Variants in GRIK4 observed in about 807,000 individuals in gnomAD.
GRIK4 encodes glutamate ionotropic receptor kainate type subunit 4, also known as glutamate receptor ionotropic, kainate 4.
In GRIK4, 40 loss-of-function variants were observed where a neutral mutation model predicts 104.9. The observed-to-expected ratio is 0.38, with a 90% CI of 0.30 to 0.50. The LOEUF is 0.50. Ranked by LOEUF, GRIK4 falls within the 20% of genes least tolerant of loss-of-function variation. GRIK4 has a pLI of 0.93. For synonymous variants in GRIK4, 485 were observed against 524.9 expected, an observed-to-expected ratio of 0.92 and a Z score of 1.04; for missense variants, 1,047 against 1,308.1, an observed-to-expected ratio of 0.80 and a Z score of 3.08.
At chr11:120,699,126 G>C (rs182637033) in intron 3 of GRIK4, among the ~76,000 whole-genome samples, 2 of 152,256 alleles carry the variant, frequency 1.3e-5, no homozygotes, top group Non-Finnish European at 2.9e-5. Context: ...AGGGCCAGCT[G>C]CTTCAGTTCA....
At chr11:120,568,400 T>C (rs559845130) in intron 1 of GRIK4, among the ~76,000 whole-genome samples, 1,935 of 152,148 alleles carry the variant, frequency 0.013, 34 homozygotes, top group African/African-American at 0.044. Flanking sequence ...TTTTCTTTTT[T>C]TTTTTGAGAC....
intron 1 of GRIK4, among the ~76,000 whole-genome samples, chr11:120,637,160 A>T (rs1449466651): frequency 2.6e-5 from 4 of 151,768 alleles, no homozygotes; most frequent in Non-Finnish European, 4.4e-5. Flanking sequence ...AGAGAGAACC[A>T]TGAACACATA....
At chr11:120,558,461 G>A (rs1278735567) in intron 1 of GRIK4, among the ~76,000 whole-genome samples, 5 of 152,282 alleles carry the variant, frequency 3.3e-5, no homozygotes, top group East Asian at 1.9e-4. Flanking sequence ...GGTGGTGTGC[G>A]CCTGTAGTCC....
chr11:120,611,367 G>GT (rs1332609118), intron 1 of GRIK4, among the ~76,000 whole-genome samples: 2 of 152,168 alleles, frequency 1.3e-5, no homozygotes, highest in East Asian at 3.8e-4. Context: ...CAGTATAATT[G>GT]TAAGGATCAC....
intron 3 of GRIK4, among the ~76,000 whole-genome samples, chr11:120,770,963 G>A (rs1302357784): frequency 1.3e-5 from 2 of 152,174 alleles, no homozygotes; most frequent in South Asian, 2.1e-4. Flanking sequence ...CTAGTTTATG[G>A]TATTTTGTTA....
At chr11:120,700,839 G>A (rs1012383805) in intron 3 of GRIK4, among the ~76,000 whole-genome samples, 4 of 152,146 alleles carry the variant, frequency 2.6e-5, no homozygotes, top group African/African-American at 4.8e-5. Flanking sequence ...GGATCCGTCC[G>A]CCTCAGCCTC....
At chr11:120,685,901 C>T (rs7105943) in intron 3 of GRIK4, among the ~76,000 whole-genome samples, 1 of 152,036 alleles carries the variant, frequency 6.6e-6, no homozygotes, top group South Asian at 2.1e-4. Context: ...TGTGCCCTCC[C>T]TGGAAGTAAA....
chr11:120,832,055 C>T, intron 7 of GRIK4, 25 bp downstream of exon 7: 1 of 1,548,194 alleles, frequency 6.5e-7, no homozygotes, highest in South Asian at 1.2e-5. Context: ...CTCTCCCCCA[C>T]CCCCTGCTGA....
At chr11:120,812,860 A>G (rs1247970197) in intron 4 of GRIK4, among the ~76,000 whole-genome samples, 1 of 152,212 alleles carries the variant, frequency 6.6e-6, no homozygotes, top group Admixed American at 6.5e-5. Flanking sequence ...CAATGGTAAA[A>G]TGGCCCAGGA....
At chr11:120,897,768 C>T (rs1416316606) in intron 11 of GRIK4, among the ~76,000 whole-genome samples, 1 of 151,902 alleles carries the variant, frequency 6.6e-6, no homozygotes, top group Non-Finnish European at 1.5e-5. Context: ...TACATTCTTA[C>T]AATGACCCAA....
Position 120,643,035 on chromosome 11 carries a change from A to G in GRIK4, c.-158-10650A>G, listed in dbSNP as rs549996198. 3.9e-5 allele frequency among the ~76,000 whole-genome samples: 6 copies of G among 152,202 alleles called. No individual in the cohort carries two copies. In the East Asian group the frequency reaches 1.2e-3, roughly 29 times the overall value. Reference sequence around the variant, plus strand: ...GCTCACATGTTTCCCATACTCATTCAACACATTTACTGAGCACCCACTATG... The same window carrying G: ...GCTCACATGTTTCCCATACTCATTCGACACATTTACTGAGCACCCACTATG... On this transcript the variant is annotated intron_variant, in intron 1 of 20. Coordinates refer to ENST00000527524, the MANE Select transcript of GRIK4 (RefSeq NM_014619.5).
At chr11:120,975,433 A>G (rs184770876) in intron 19 of GRIK4, among the ~76,000 whole-genome samples, 1 of 152,278 alleles carries the variant, frequency 6.6e-6, no homozygotes, top group Admixed American at 6.5e-5. Flanking sequence ...AATTAGATCT[A>G]TTTTTGAGAG....
At chr11:120,684,535 C>G (rs1281952885) in intron 3 of GRIK4, among the ~76,000 whole-genome samples, 3 of 152,116 alleles carry the variant, frequency 2.0e-5, no homozygotes, top group African/African-American at 7.2e-5. Context: ...AGTGCAAGAC[C>G]GTTTAGTTAC....
rs144459245 is a variant in GRIK4 at position 120,857,219 on chromosome 11, G to A, written c.745-4740G>A. On this transcript the variant is annotated intron_variant, in intron 8 of 20. Coordinates refer to ENST00000527524, the MANE Select transcript of GRIK4 (RefSeq NM_014619.5). The stretch of plus-strand genomic sequence containing the variant: ...CACTCAGAGCCTGTCCTTGCTCCCT[G>A]GCCCAGGCGATGAACAGGCTGTAGA... Among the ~76,000 whole-genome samples, 1,520 of 152,312 alleles carry A rather than the reference G, an allele frequency of 1.0e-2. 25 individuals carry two copies. The highest frequency in any genetic ancestry group is 0.041 in the South Asian group (196 of 4,812).
intron 1 of GRIK4, among the ~76,000 whole-genome samples, chr11:120,645,168 G>C (rs2135207623): frequency 6.6e-6 from 1 of 152,242 alleles, no homozygotes; most frequent in East Asian, 1.9e-4. Flanking sequence ...TATGGTGGTT[G>C]TGTGTGTCTG....
intron 1 of GRIK4, among the ~76,000 whole-genome samples, chr11:120,626,113 A>G (rs1014455155): frequency 6.6e-6 from 1 of 152,188 alleles, no homozygotes; most frequent in African/African-American, 2.4e-5. Context: ...CCAACAAAAG[A>G]TGCTTTAGAA....
intron 9 of GRIK4, 25 bp from the exon 10 acceptor site, chr11:120,874,041 C>A: frequency 6.3e-7 from 1 of 1,589,190 alleles, no homozygotes; most frequent in Non-Finnish European, 8.6e-7. Flanking sequence ...CTCCCTCCCT[C>A]CGCCTGCTCC....
At position 120,985,895 on chromosome 11, in the gene GRIK4, C is replaced by G; in HGVS notation, c.2515-9C>G. The G allele has an allele frequency of 2.6e-6, 4 of 1,551,368 alleles. No individual in the cohort carries two copies. Among genetic ancestry groups the G allele is most frequent in the Non-Finnish European group, 3.5e-6 (4 of 1,147,488 alleles). On this transcript the variant is annotated splice_polypyrimidine_tract_variant and intron_variant, in intron 20 of 20. Coordinates refer to ENST00000527524, the MANE Select transcript of GRIK4 (RefSeq NM_014619.5). The stretch of plus-strand genomic sequence containing the variant: ...AGAGGCTGGGCCCTGACCTCGCTGT[C>G]TCCTCCAGGTGTCCGTCTGCCAGGA...
chr11:120,704,606 A>G (rs1298290906), intron 3 of GRIK4, among the ~76,000 whole-genome samples: 1 of 152,198 alleles, frequency 6.6e-6, no homozygotes, highest in Non-Finnish European at 1.5e-5. Context: ...CTCTGTGAGG[A>G]TAGACATTTT....
Sources: gnomAD v4.1 joint callset for allele counts (sites outside exome capture counted in the v4.1 genomes callset) on GRCh38, gnomAD v4.1.1 for gene constraint, MANE v1.5 for transcripts, NCBI Gene and HGNC (gene_info 2026-07-23, HGNC 2026-07-21) for gene names.